The following DHX9 variants were observed in gnomAD, a reference collection of about 807,000 sequenced individuals.
DHX9 encodes the protein DExH-box helicase 9, also known as ATP-dependent RNA helicase A.
A neutral mutation model predicts 148.7 loss-of-function variants in DHX9; 27 were observed. The ratio of observed to expected loss-of-function variants is 0.18; its 90% CI spans 0.13 to 0.25. DHX9 has a LOEUF of 0.25. Ranked by LOEUF, DHX9 falls within the 10% of genes least tolerant of loss-of-function variation. DHX9 has a pLI of 1.00. For missense variants in DHX9, 796 were observed against 1,559.6 expected, an observed-to-expected ratio of 0.51 and a Z score of 8.25; for synonymous variants, 529 against 516.6, an observed-to-expected ratio of 1.02 and a Z score of -0.33.
chr1:182,840,271 C>T (rs1465561610), intron 1 of DHX9, among the ~76,000 whole-genome samples: 1 of 147,242 alleles, frequency 6.8e-6, no homozygotes, highest in Non-Finnish European at 1.5e-5. Flanking sequence ...GATCTGGAGT[C>T]AGGCTACGTT....
chr1:182,883,487 A>T, intron 25 of DHX9, 33 bp from the exon 26 acceptor site: 1 of 1,598,938 alleles, frequency 6.3e-7, no homozygotes, highest in Non-Finnish European at 8.6e-7. Context: ...TGGAATGTCA[A>T]CCATTTTGTA....
At chr1:182,839,844 A>C (rs969266234) in intron 1 of DHX9, 1 of 152,348 alleles carries the variant, frequency 6.6e-6, no homozygotes, top group Admixed American at 6.5e-5. Context: ...CATTCAAGCC[A>C]CGAATAACTG....
chr1:182,862,178 A>G (rs1407771750), intron 12 of DHX9, among the ~76,000 whole-genome samples: 1 of 152,216 alleles, frequency 6.6e-6, no homozygotes, highest in African/African-American at 2.4e-5. Context: ...AGGAAACCAC[A>G]TGAAGTCATC....
intron 3 of DHX9, among the ~76,000 whole-genome samples, chr1:182,847,764 C>G (rs1420673035): frequency 1.3e-5 from 2 of 152,176 alleles, no homozygotes; most frequent in Admixed American, 6.5e-5. Context: ...GAATTAGACC[C>G]TTGATACTCC....
At chr1:182,866,373 C>T (rs1648297979) in intron 12 of DHX9, 71 bp from the exon 13 acceptor site, 7 of 1,516,676 alleles carry the variant, frequency 4.6e-6, no homozygotes, top group South Asian at 2.5e-5. Flanking sequence ...CTACAATAAT[C>T]CAAAAATGCT....
rs770819889 is a variant in DHX9 at position 182,858,634 on chromosome 1, G to T, written c.894G>T (p.Leu298Phe). Residue 298 changes from leucine to phenylalanine, a missense_variant, in exon 9 of 28, where the codon TTG (leucine) becomes TTT (phenylalanine). Leu to Phe is a conservative substitution (Grantham distance 22, BLOSUM62 0). Around this residue, in one of 14 missense-constraint regions of DHX9, gnomAD observed 63 missense variants for 78.6 expected, o/e 0.80. Coordinates refer to ENST00000367549, the MANE Select transcript of DHX9 (RefSeq NM_001357.5). The stretch of plus-strand genomic sequence containing the variant: ...TTCAAGAGCTAAATCTTGAGATTTT[G>T]CCCCCGGTAAGCATAAAGCTGTTTA... ...NIIQELNLEI[L>F]PPPEDPSVPV... The T allele has an allele frequency of 1.3e-5, 21 of 1,608,214 alleles. No homozygotes were observed. Among genetic ancestry groups the T allele is most frequent in the African/African-American group, 2.7e-5 (2 of 74,794 alleles).
At position 182,859,999 on chromosome 1, in the gene DHX9, C is replaced by A. The variant is rs1305860647; in HGVS notation, c.1147C>A (p.Gln383Lys). The change falls in exon 12 of 28, where the codon CAG becomes AAG. Residue 383 changes from glutamine to lysine, a missense_variant. This residue lies in a region of DHX9 where 42 missense variants were observed against 27.1 expected (regional missense o/e 1.55). Coordinates refer to ENST00000367549, the MANE Select transcript of DHX9 (RefSeq NM_001357.5). ...TGTGACTTTTCTAATGCAGATCTTG[C>A]AGGAGAGAGAGTTACTGCCTGTGAA... ...EQDHDLQAIL[Q>K]ERELLPVKKF... 1.2e-6 allele frequency: 2 copies of A among 1,609,002 alleles called. No homozygotes were observed. Among genetic ancestry groups the A allele is most frequent in the Non-Finnish European group, 1.7e-6 (2 of 1,177,672 alleles).
At chr1:182,856,489 C>CGA (rs753035677) in intron 6 of DHX9, 43 bp from the exon 7 acceptor site, 1 of 1,589,838 alleles carries the variant, frequency 6.3e-7, no homozygotes, top group Non-Finnish European at 8.6e-7. Context: ...TTGCTGGTTT[C>CGA]TAACAGTGAA....
chr1:182,875,137 C>T, intron 16 of DHX9, 183 bp downstream of exon 16: 1 of 635,180 alleles, frequency 1.6e-6, no homozygotes, highest in Non-Finnish European at 2.9e-6. Flanking sequence ...CAGTGACAAG[C>T]TGTTTTCTAT....
intron 27 of DHX9, among the ~76,000 whole-genome samples, chr1:182,885,097 A>G (rs1374761184): frequency 1.3e-5 from 2 of 152,218 alleles, no homozygotes; most frequent in Admixed American, 1.3e-4. Context: ...GTCACATGAC[A>G]GGGAAGTGAC....
Position 182,883,623 on chromosome 1 carries a change from T to G in DHX9, c.3248T>G (p.Leu1083Arg). The G allele has an allele frequency of 6.2e-7, 1 of 1,612,922 alleles. No homozygotes were observed. Among genetic ancestry groups the G allele is most frequent in the Non-Finnish European group, 8.5e-7 (1 of 1,178,992 alleles). The change falls in exon 26 of 28, where the codon CTT (leucine) becomes CGT (arginine). Residue 1083 changes from leucine to arginine, a missense_variant. Physicochemically the swap from Leu to Arg is moderately radical, Grantham distance 102. Coordinates refer to ENST00000367549, the MANE Select transcript of DHX9 (RefSeq NM_001357.5). ...KKVQSDGQIVLVDDWIKLQIS... is the reference protein window; with the variant it reads ...KKVQSDGQIVRVDDWIKLQIS... ...GTCCAATCTGATGGGCAGATTGTGC[T>G]TGTAGATGACTGGTATGGATTTTCA...
chr1:182,866,876 G>A (rs973997518), intron 13 of DHX9, 85 bp from the exon 14 acceptor site: 6 of 1,005,960 alleles, frequency 6.0e-6, no homozygotes, highest in Non-Finnish European at 7.5e-6. Flanking sequence ...TGATGCTGGG[G>A]TCTCTTAGTT....
At chr1:182,871,005 CCTT>C (rs1351338556) in intron 14 of DHX9, among the ~76,000 whole-genome samples, 1 of 152,022 alleles carries the variant, frequency 6.6e-6, no homozygotes, top group Non-Finnish European at 1.5e-5. Flanking sequence ...TAGTCTTAGA[CCTT>C]CTGAAAGGAT....
At chr1:182,873,030 A>C (rs1199649898) in intron 15 of DHX9, among the ~76,000 whole-genome samples, 1 of 152,162 alleles carries the variant, frequency 6.6e-6, no homozygotes, top group Non-Finnish European at 1.5e-5. Flanking sequence ...CACTTGGCTC[A>C]CTGCAACCTC....
At chr1:182,847,857 TTGTG>T (rs961634093) in intron 3 of DHX9, among the ~76,000 whole-genome samples, 1 of 152,128 alleles carries the variant, frequency 6.6e-6, no homozygotes. Context: ...TTCTGGTGTG[TTGTG>T]TGTGTGTTTG....
chr1:182,849,138 T>C (rs1212487466), intron 3 of DHX9, among the ~76,000 whole-genome samples: 1 of 152,246 alleles, frequency 6.6e-6, no homozygotes, highest in Non-Finnish European at 1.5e-5. Flanking sequence ...TAATCACTTA[T>C]TTCATCTGGA....
At chr1:182,884,264 C>T (rs1158036911) in intron 26 of DHX9, among the ~76,000 whole-genome samples, 2 of 151,866 alleles carry the variant, frequency 1.3e-5, no homozygotes, top group Admixed American at 1.3e-4. Flanking sequence ...GAGCAAGACT[C>T]TGTCTCAAAA....
At chr1:182,876,784 A>T in intron 18 of DHX9, 46 bp from the exon 19 acceptor site, 1 of 1,420,064 alleles carries the variant, frequency 7.0e-7, no homozygotes, top group East Asian at 2.3e-5. Context: ...CCTTTTAAGT[A>T]ACTAATAAGA....
intron 14 of DHX9, among the ~76,000 whole-genome samples, chr1:182,870,879 TAA>T (rs1648527682): frequency 6.6e-6 from 1 of 152,234 alleles, no homozygotes. Context: ...CAGTTAATTT[TAA>T]GTTACATTTG....
Sources: gnomAD v4.1 joint callset for allele counts (sites outside exome capture counted in the v4.1 genomes callset) on GRCh38, gnomAD v4.1.1 for gene constraint, gnomAD v4.1.1 regional missense constraint, MANE v1.5 for transcripts, NCBI Gene and HGNC (gene_info 2026-07-23, HGNC 2026-07-21) for gene names.